Variants in RALA observed in about 807,000 individuals in gnomAD.
The protein encoded by RALA is RAS like proto-oncogene A.
Under a neutral mutation model 24.0 loss-of-function variants are expected in RALA, and 5 were observed. That is an observed-to-expected ratio of 0.21 (90% CI 0.11 to 0.44). RALA has a LOEUF of 0.44. RALA is among the 20% of genes least tolerant of loss of function. The probability of loss-of-function intolerance (pLI) is 0.99; values close to 1 mark genes in which losing one functional copy is unlikely to be tolerated. For synonymous variants in RALA, 77 were observed against 83.8 expected, an observed-to-expected ratio of 0.92 and a Z score of 0.44; for missense variants, 95 against 241.2, an observed-to-expected ratio of 0.39 and a Z score of 4.01.
intron 1 of RALA, among the ~76,000 whole-genome samples, chr7:39,650,134 A>G (rs1288404634): frequency 6.6e-6 from 1 of 152,178 alleles, no homozygotes; most frequent in African/African-American, 2.4e-5. Flanking sequence ...TGAAAGGGGG[A>G]GAATTTCTGG....
At position 39,696,858 on chromosome 7, in the gene RALA, A is replaced by G. The variant is rs954149915; in HGVS notation, c.497A>G (p.Lys166Arg). The G allele has an allele frequency of 6.2e-7, 1 of 1,609,170 alleles. No individual in the cohort carries two copies. The highest frequency in any genetic ancestry group is 8.5e-7 in the Non-Finnish European group (1 of 1,178,374). ...TSAKTRANVD[K>R]VFFDLMREIR... The stretch of plus-strand genomic sequence containing the variant: ...GCTAAAACACGAGCTAATGTTGACA[A>G]GGTAACACGTGACTCTTTACTACTG... The change falls in exon 4 of 5, where the codon AAG becomes AGG. Residue 166 changes from lysine to arginine, a missense_variant and splice_region_variant. By Grantham distance (26) the Lys-to-Arg change is conservative (BLOSUM62 2). Coordinates refer to ENST00000005257, the MANE Select transcript of RALA (RefSeq NM_005402.4).
In RALA at chr7:39,703,091, T is replaced by G. The variant is rs1225618829; in HGVS notation, c.499-3032T>G. On this transcript the variant is annotated intron_variant, in intron 4 of 4. Coordinates refer to ENST00000005257, the MANE Select transcript of RALA (RefSeq NM_005402.4). Reference sequence around the variant, plus strand: ...TACGTTATATGTTTCAAAACATCACTGTGTACTCTGTGAATATGTGTCAAT... The same window carrying G: ...TACGTTATATGTTTCAAAACATCACGGTGTACTCTGTGAATATGTGTCAAT... The G allele has an allele frequency of 3.3e-5, 5 of 152,244 alleles. No individual in the cohort carries two copies. In the East Asian group the frequency reaches 9.6e-4, roughly 29 times the overall value. The allele number at this position is 152,244 out of a possible 1,614,324, so 9.4% of individuals were successfully genotyped here.
chr7:39,642,829 T>G (rs991986620), intron 1 of RALA, among the ~76,000 whole-genome samples: 1 of 152,222 alleles, frequency 6.6e-6, no homozygotes, highest in East Asian at 1.9e-4. Flanking sequence ...ACATATACCT[T>G]TAATCAAATA....
intron 1 of RALA, among the ~76,000 whole-genome samples, chr7:39,646,739 A>G (rs1791930757): frequency 6.6e-6 from 1 of 152,200 alleles, no homozygotes; most frequent in Non-Finnish European, 1.5e-5. Context: ...CTTCACTTTG[A>G]GTACCTCTGT....
chr7:39,683,916 GTGATATGTACTGTTT>G (rs1792650496), intron 1 of RALA, among the ~76,000 whole-genome samples: 4 of 152,076 alleles, frequency 2.6e-5, no homozygotes, highest in Non-Finnish European at 5.9e-5. Context: ...CTGAGCTCAT[GTGATATGTACTGTTT>G]TAAAAATAAA....
chr7:39,625,829 C>T lies in RALA; in HGVS notation c.-38+2004C>T, dbSNP rs76452180. 8.3e-3 allele frequency among the ~76,000 whole-genome samples: 1,268 copies of T among 152,324 alleles called. 14 individuals carry two copies. The highest frequency in any genetic ancestry group is 0.029 in the African/African-American group (1,187 of 41,574). On this transcript the variant is annotated intron_variant, in intron 1 of 4. Transcript: ENST00000005257. ...GGTTCAAATAAGAAGAAAGTGCTGA[C>T]GTTTTCTCTCCTCTCCAAGTATGTG...
At chr7:39,643,481 G>A (rs1280851750) in intron 1 of RALA, among the ~76,000 whole-genome samples, 1 of 152,240 alleles carries the variant, frequency 6.6e-6, no homozygotes, top group Non-Finnish European at 1.5e-5. Flanking sequence ...AGCACTTTGA[G>A]AGGCTGAGGC....
intron 1 of RALA, among the ~76,000 whole-genome samples, chr7:39,638,752 G>GTT (rs1562608317): frequency 6.6e-6 from 1 of 152,192 alleles, no homozygotes; most frequent in African/African-American, 2.4e-5. Flanking sequence ...AGGCCATCTT[G>GTT]TTTATCTGTT....
At chr7:39,627,990 T>A (rs1171210330) in intron 1 of RALA, among the ~76,000 whole-genome samples, 23 of 152,130 alleles carry the variant, frequency 1.5e-4, no homozygotes, top group Admixed American at 1.5e-3. Context: ...ATTTTTTTTC[T>A]TACCTAACCC....
At chr7:39,695,532 A>G (rs1308482771) in intron 3 of RALA, among the ~76,000 whole-genome samples, 2 of 151,548 alleles carry the variant, frequency 1.3e-5, no homozygotes, top group African/African-American at 4.9e-5. Context: ...CTGAGTAGCT[A>G]GGACTACAGG....
chr7:39,687,384 G>A (rs553180425), intron 2 of RALA, among the ~76,000 whole-genome samples: 2,041 of 150,812 alleles, frequency 0.014, 28 homozygotes, highest in Non-Finnish European at 0.021. Flanking sequence ...CCGAGATCGC[G>A]CCACTGCACT....
chr7:39,643,770 C>T (rs753829553), intron 1 of RALA, among the ~76,000 whole-genome samples: 1 of 152,136 alleles, frequency 6.6e-6, no homozygotes, highest in African/African-American at 2.4e-5. Context: ...GGCAGGAGAA[C>T]GGCTTGAACC....
At chr7:39,634,695 G>T (rs2115924546) in intron 1 of RALA, among the ~76,000 whole-genome samples, 1 of 152,068 alleles carries the variant, frequency 6.6e-6, no homozygotes, top group Middle Eastern at 3.4e-3. Flanking sequence ...AATTCTCGGT[G>T]CCTGCTACTT....
At chr7:39,703,082 A>AAACATCACTGTG (rs1166697293) in intron 4 of RALA, 1 of 152,248 alleles carries the variant, frequency 6.6e-6, no homozygotes, top group Non-Finnish European at 1.5e-5. Flanking sequence ...ATATGTTTCA[A>AAACATCACTGTG]AACATCACTG....
chr7:39,689,402 ATTAT>A (rs1792774832), intron 2 of RALA, among the ~76,000 whole-genome samples: 1 of 152,224 alleles, frequency 6.6e-6, no homozygotes, highest in Non-Finnish European at 1.5e-5. Flanking sequence ...TTTTAAAATA[ATTAT>A]TTATTGAGTA....
chr7:39,662,678 A>G (rs1792213769), intron 1 of RALA, among the ~76,000 whole-genome samples: 1 of 152,188 alleles, frequency 6.6e-6, no homozygotes, highest in Admixed American at 6.5e-5. Context: ...CATTATCAGC[A>G]TTTGAGTCCA....
At chr7:39,657,049 C>A (rs1792109522) in intron 1 of RALA, among the ~76,000 whole-genome samples, 1 of 151,548 alleles carries the variant, frequency 6.6e-6, no homozygotes, top group African/African-American at 2.4e-5. Flanking sequence ...CTCACTACAA[C>A]CTCCACCTCC....
intron 1 of RALA, among the ~76,000 whole-genome samples, chr7:39,650,926 T>G (rs1400270957): frequency 6.6e-6 from 1 of 152,174 alleles, no homozygotes; most frequent in Non-Finnish European, 1.5e-5. Context: ...CAGCCTCTCC[T>G]TTGGACTAGT....
At chr7:39,674,737 G>T (rs533272643) in intron 1 of RALA, among the ~76,000 whole-genome samples, 4 of 151,844 alleles carry the variant, frequency 2.6e-5, no homozygotes, top group African/African-American at 9.7e-5. Flanking sequence ...TATCTTGGGG[G>T]ATGGGACCCA....
Sources: allele counts gnomAD v4.1 joint callset (sites outside exome capture counted in the v4.1 genomes callset), GRCh38; gene constraint gnomAD v4.1.1; transcripts MANE v1.5; gene names NCBI Gene and HGNC (gene_info 2026-07-23, HGNC 2026-07-21).